Variants in LRRK2 observed in about 807,000 individuals in gnomAD.
The protein encoded by LRRK2 is leucine-rich repeat serine/threonine-protein kinase 2.
LRRK2 carries 203 observed loss-of-function variants against 302.6 expected under a neutral mutation model. The ratio of observed to expected loss-of-function variants is 0.67; its 90% CI spans 0.60 to 0.75. LRRK2 has a LOEUF of 0.75. LRRK2 is among the 30% of genes least tolerant of loss of function. The pLI, the probability that LRRK2 is intolerant of heterozygous loss-of-function variation, is 0.00. For synonymous variants in LRRK2, 1,066 were observed against 1,031.9 expected, an observed-to-expected ratio of 1.03 and a Z score of -0.63; for missense variants, 2,830 against 2,951.0, an observed-to-expected ratio of 0.96 and a Z score of 0.95.
chr12:40,322,449 TAA>T lies in LRRK2; in HGVS notation c.5449_5450del (p.Asn1817Ter), dbSNP rs1329774094. 1 of 1,613,452 alleles carries T rather than the reference TAA, an allele frequency of 6.2e-7. No homozygotes were observed. The highest frequency in any genetic ancestry group is 2.2e-5 in the East Asian group (1 of 44,830). On this transcript the variant is annotated frameshift_variant, in exon 37 of 51. Transcript: ENST00000298910. LOFTEE classifies it high-confidence loss of function. ...TGAAGAAATGGGCATTATATAGTTT[TAA>T]TGATGGTGAAGAACATCAAAAAATC... ...LLKKWALYSF[N>X]DGEEHQKILL...
At chr12:40,298,643 G>A (rs1052732076) in intron 24 of LRRK2, 150 bp downstream of exon 24, 16 of 967,816 alleles carry the variant, frequency 1.7e-5, no homozygotes, top group Middle Eastern at 2.5e-4. Context: ...GTGGTGGTGC[G>A]CACCTTATAA....
chr12:40,239,794 T>C (rs188819313), intron 5 of LRRK2, among the ~76,000 whole-genome samples: 9 of 151,496 alleles, frequency 5.9e-5, no homozygotes, highest in African/African-American at 2.2e-4. Flanking sequence ...TGGCATAAAA[T>C]TAAAAAAAAT....
At chr12:40,263,696 GATTA>G in intron 13 of LRRK2, 89 bp from the exon 14 acceptor site, 1 of 887,410 alleles carries the variant, frequency 1.1e-6, no homozygotes, top group South Asian at 1.5e-5. Flanking sequence ...TATATTGTGA[GATTA>G]ATTATGACAA....
intron 25 of LRRK2, among the ~76,000 whole-genome samples, chr12:40,300,643 C>T (rs1944588963): frequency 6.6e-6 from 1 of 152,150 alleles, no homozygotes; most frequent in Non-Finnish European, 1.5e-5. Flanking sequence ...CACTTTCCAA[C>T]CATGATCTTG....
At chr12:40,363,976 C>T (rs1020380539) in intron 48 of LRRK2, among the ~76,000 whole-genome samples, 4 of 151,652 alleles carry the variant, frequency 2.6e-5, no homozygotes, top group South Asian at 2.1e-4. Context: ...ATGGACTGAC[C>T]GAGGCGCTAA....
At chr12:40,239,634 G>T (rs1433383078) in intron 5 of LRRK2, among the ~76,000 whole-genome samples, 1 of 152,048 alleles carries the variant, frequency 6.6e-6, no homozygotes, top group Non-Finnish European at 1.5e-5. Context: ...GGAGTATCAG[G>T]TTCTCCAGGA....
At chr12:40,230,025 C>T (rs372520140) in intron 2 of LRRK2, among the ~76,000 whole-genome samples, 25 of 113,680 alleles carry the variant, frequency 2.2e-4, no homozygotes, top group Middle Eastern at 9.3e-3. Context: ...TTAAATAGTT[C>T]GGAAAAAAGT....
At chr12:40,362,454 A>G (rs2137040819) in intron 47 of LRRK2, among the ~76,000 whole-genome samples, 1 of 152,112 alleles carries the variant, frequency 6.6e-6, no homozygotes, top group South Asian at 2.1e-4. Flanking sequence ...TGATTATATC[A>G]GAGGTGCTTA....
intron 45 of LRRK2, among the ~76,000 whole-genome samples, chr12:40,355,156 A>C (rs1372271460): frequency 6.6e-6 from 1 of 152,112 alleles, no homozygotes; most frequent in Non-Finnish European, 1.5e-5. Flanking sequence ...GAAAAATGTG[A>C]AGCCTGTTTT....
intron 41 of LRRK2, among the ~76,000 whole-genome samples, chr12:40,345,061 T>C (rs1382174104): frequency 1.3e-5 from 2 of 152,152 alleles, no homozygotes; most frequent in Non-Finnish European, 2.9e-5. Flanking sequence ...CTCTGTCAAA[T>C]AGAACTGTTT....
Position 40,337,433 on chromosome 12 carries a change from T to C in LRRK2, c.5948+2276T>C, listed in dbSNP as rs113938448. Among the ~76,000 whole-genome samples, 768 of 152,352 alleles carry C rather than the reference T, an allele frequency of 5.0e-3. 10 individuals carry two copies. Among genetic ancestry groups the C allele is most frequent in the African/African-American group, 0.017 (687 of 41,578 alleles). ...TTCTGTATGTTTCTGTGTTTCAATA[T>C]CTTCAAAATGGAATGTACTGCCTTG... On this transcript the variant is annotated intron_variant, in intron 40 of 50. Coordinates refer to ENST00000298910, the MANE Select transcript of LRRK2 (RefSeq NM_198578.4).
intron 4 of LRRK2, 79 bp downstream of exon 4, chr12:40,235,793 G>GTTTTTT (rs36024911): frequency 4.7e-4 from 220 of 463,662 alleles, no homozygotes; most frequent in East Asian, 1.3e-3. Flanking sequence ...GTGTGTGTGT[G>GTTTTTT]TTTTTTTTTT....
chr12:40,318,186 A>C (rs1301456361), intron 33 of LRRK2, among the ~76,000 whole-genome samples: 2 of 152,076 alleles, frequency 1.3e-5, no homozygotes. Flanking sequence ...ATTCTGCTAC[A>C]TTCTAGTAAC....
intron 47 of LRRK2, 78 bp from the exon 48 acceptor site, chr12:40,363,324 A>G: frequency 7.3e-7 from 1 of 1,363,012 alleles, no homozygotes; most frequent in Non-Finnish European, 1.0e-6. Flanking sequence ...ATTAAGAACT[A>G]ATATAAGGTT....
chr12:40,358,557 C>T (rs180846124), intron 46 of LRRK2, among the ~76,000 whole-genome samples: 2 of 152,154 alleles, frequency 1.3e-5, no homozygotes, highest in East Asian at 3.9e-4. Context: ...GGGTTTATTT[C>T]TGGGTCCTCT....
chr12:40,345,557 AG>A (rs1371583371), intron 41 of LRRK2, among the ~76,000 whole-genome samples: 10 of 128,920 alleles, frequency 7.8e-5, no homozygotes, highest in African/African-American at 2.3e-4. Flanking sequence ...CAGGAGGCAG[AG>A]GTTGCAGTAA....
At chr12:40,326,614 G>T (rs1198009283) in intron 38 of LRRK2, among the ~76,000 whole-genome samples, 1 of 152,062 alleles carries the variant, frequency 6.6e-6, no homozygotes, top group African/African-American at 2.4e-5. Flanking sequence ...AGATTGAGGG[G>T]AGGCAGAACA....
At chr12:40,240,817 C>T (rs560846610) in intron 6 of LRRK2, among the ~76,000 whole-genome samples, 200 bp downstream of exon 6, 1 of 152,204 alleles carries the variant, frequency 6.6e-6, no homozygotes, top group South Asian at 2.1e-4. Context: ...GAGAAACAAT[C>T]GTGGAAAATA....
chr12:40,265,990 CA>C (rs1942995093), intron 14 of LRRK2, among the ~76,000 whole-genome samples: 1 of 152,108 alleles, frequency 6.6e-6, no homozygotes, highest in South Asian at 2.1e-4. Flanking sequence ...ACACCTTATA[CA>C]AAAATAAATT....
Sources: gnomAD v4.1 joint callset for allele counts (sites outside exome capture counted in the v4.1 genomes callset) on GRCh38, gnomAD v4.1.1 for gene constraint, MANE v1.5 for transcripts, NCBI Gene and HGNC (gene_info 2026-07-23, HGNC 2026-07-21) for gene names.